PARN: variants seen among roughly 807,000 people sequenced by gnomAD.
The protein encoded by PARN is poly(A)-specific ribonuclease.
PARN carries 71 observed loss-of-function variants against 102.8 expected under a neutral mutation model. That is an observed-to-expected ratio of 0.69 (90% confidence interval 0.57 to 0.84). The LOEUF is 0.84. Among genes scored for constraint, PARN ranks in the 40% least tolerant of loss-of-function variants. The probability of loss-of-function intolerance (pLI) is 0.00; values close to 1 mark genes in which losing one functional copy is unlikely to be tolerated. For missense variants in PARN, 782 were observed against 760.9 expected, an observed-to-expected ratio of 1.03 and a Z score of -0.33; for synonymous variants, 261 against 252.9, an observed-to-expected ratio of 1.03 and a Z score of -0.30.
chr16:14,595,346 GCACACACACACAAACA>G (rs988689965), intron 12 of PARN, among the ~76,000 whole-genome samples: 2 of 151,700 alleles, frequency 1.3e-5, no homozygotes, highest in African/African-American at 4.8e-5. Context: ...ACACCCATGC[GCACACACACACAAACA>G]CACACACACT....
intron 22 of PARN, among the ~76,000 whole-genome samples, chr16:14,472,675 T>C (rs953831904): frequency 6.6e-6 from 1 of 152,244 alleles, no homozygotes; most frequent in African/African-American, 2.4e-5. Flanking sequence ...GAGCAATGTA[T>C]TTAAAGTTCT....
chr16:14,504,630 T>C (rs1964797053), intron 21 of PARN, among the ~76,000 whole-genome samples: 1 of 152,086 alleles, frequency 6.6e-6, no homozygotes, highest in Non-Finnish European at 1.5e-5. Context: ...AAAAATACGC[T>C]TTCAAAGCAA....
intron 21 of PARN, among the ~76,000 whole-genome samples, chr16:14,549,202 G>T (rs2151701300): frequency 6.6e-6 from 1 of 152,266 alleles, no homozygotes; most frequent in African/African-American, 2.4e-5. Flanking sequence ...CATAAGAAAA[G>T]AGACTATACC....
intron 21 of PARN, among the ~76,000 whole-genome samples, chr16:14,525,842 T>C (rs115404200): frequency 0.014 from 2,105 of 152,316 alleles, 44 homozygotes; most frequent in African/African-American, 0.046. Flanking sequence ...TCTTTTTCTT[T>C]TCTTTGAGAT....
At chr16:14,575,458 C>CT (rs1488822046) in intron 18 of PARN, among the ~76,000 whole-genome samples, 2 of 152,188 alleles carry the variant, frequency 1.3e-5, no homozygotes, top group Non-Finnish European at 2.9e-5. Context: ...CATTTTGGAG[C>CT]TTTAAGATTT....
chr16:14,440,231 A>G (rs957406310), intron 23 of PARN, among the ~76,000 whole-genome samples: 27 of 152,346 alleles, frequency 1.8e-4, no homozygotes, highest in Non-Finnish European at 2.9e-4. Flanking sequence ...TGGATGGCAA[A>G]AAATCACAGG....
chr16:14,617,564 T>C (rs1437474140), intron 6 of PARN, 26 bp downstream of exon 6: 1 of 1,153,736 alleles, frequency 8.7e-7, no homozygotes. Flanking sequence ...TTATAAGCTC[T>C]AAAGATAGGT....
At chr16:14,490,071 T>C (rs1035276658) in intron 21 of PARN, among the ~76,000 whole-genome samples, 2 of 152,138 alleles carry the variant, frequency 1.3e-5, no homozygotes, top group African/African-American at 4.8e-5. Flanking sequence ...GGCTGGAGGA[T>C]TGTTTGAGCC....
At chr16:14,465,884 G>A (rs2151578324) in intron 22 of PARN, among the ~76,000 whole-genome samples, 1 of 152,268 alleles carries the variant, frequency 6.6e-6, no homozygotes, top group East Asian at 1.9e-4. Context: ...ATTATCCTTA[G>A]CAAACTCACA....
At chr16:14,546,599 T>C (rs1966959239) in intron 21 of PARN, among the ~76,000 whole-genome samples, 3 of 152,218 alleles carry the variant, frequency 2.0e-5, no homozygotes, top group Admixed American at 2.0e-4. Flanking sequence ...AAGCTCTTTT[T>C]CTAAAGCCAT....
At chr16:14,582,147 C>T (rs1485402914) in intron 17 of PARN, 34 bp downstream of exon 17, 1 of 1,305,206 alleles carries the variant, frequency 7.7e-7, no homozygotes, top group South Asian at 1.2e-5. Flanking sequence ...CCCTAGATCA[C>T]TGCGTGTTTG....
chr16:14,525,489 G>C (rs1241911539), intron 21 of PARN, among the ~76,000 whole-genome samples: 1 of 152,168 alleles, frequency 6.6e-6, no homozygotes. Flanking sequence ...AGCACAGCAA[G>C]CAAACAGGGA....
At chr16:14,492,213 G>A (rs1297718545) in intron 21 of PARN, among the ~76,000 whole-genome samples, 1 of 152,242 alleles carries the variant, frequency 6.6e-6, no homozygotes, top group East Asian at 1.9e-4. Flanking sequence ...GCCCCGTAAA[G>A]GGGACAGACA....
chr16:14,477,829 AGGAAG>A (rs927602090), intron 22 of PARN, among the ~76,000 whole-genome samples: 1 of 151,912 alleles, frequency 6.6e-6, no homozygotes. Context: ...GAGAAGGGAA[AGGAAG>A]GGAAGGGAAG....
rs1567277256 is a variant in PARN at position 14,435,895 on chromosome 16, T to TACACACACACAC, written c.*821_*822insGTGTGTGTGTGT. 9.3e-6 allele frequency: 1 copy of TACACACACACAC among 108,070 alleles called. No individual in the cohort carries two copies. The highest frequency in any genetic ancestry group is 9.8e-5 in the Admixed American group (1 of 10,244). 6.7% of individuals were successfully genotyped at this position (108,070 alleles called of 1,614,324 possible). On this transcript the variant is annotated 3_prime_UTR_variant, in exon 24 of 24. Coordinates refer to ENST00000437198, the MANE Select transcript of PARN (RefSeq NM_002582.4). ...GGGACATGTTGTAGATTTGCACGATTTCACACACACACACACACACACACA... is the reference window on the plus strand; with the variant it reads ...GGGACATGTTGTAGATTTGCACGATTACACACACACACTCACACACACACACACACACACACA...
intron 6 of PARN, among the ~76,000 whole-genome samples, chr16:14,614,611 G>A (rs1971752992): frequency 6.6e-6 from 1 of 152,106 alleles, no homozygotes; most frequent in Admixed American, 6.6e-5. Flanking sequence ...AGCTCTTTGG[G>A]AGGCCAAGGC....
At chr16:14,504,638 C>T (rs1964797723) in intron 21 of PARN, among the ~76,000 whole-genome samples, 1 of 152,036 alleles carries the variant, frequency 6.6e-6, no homozygotes, top group African/African-American at 2.4e-5. Context: ...GCTTTCAAAG[C>T]AATAATAACC....
At chr16:14,585,556 A>G (rs896087971) in intron 14 of PARN, among the ~76,000 whole-genome samples, 1 of 152,162 alleles carries the variant, frequency 6.6e-6, no homozygotes, top group African/African-American at 2.4e-5. Flanking sequence ...CATATGACCT[A>G]TCAGAACAAG....
intron 5 of PARN, among the ~76,000 whole-genome samples, chr16:14,620,255 T>C (rs999933855): frequency 3.3e-5 from 5 of 151,728 alleles, no homozygotes; most frequent in Admixed American, 2.6e-4. Context: ...TGGGCACCTG[T>C]AGTCCCAGCT....
Sources: allele counts gnomAD v4.1 joint callset (sites outside exome capture counted in the v4.1 genomes callset), GRCh38; gene constraint gnomAD v4.1.1; transcripts MANE v1.5; gene names NCBI Gene and HGNC (gene_info 2026-07-23, HGNC 2026-07-21).